Variants in UBR7 observed in about 807,000 individuals in gnomAD.
The protein encoded by UBR7 is putative E3 ubiquitin-protein ligase UBR7.
Under a neutral mutation model 57.0 loss-of-function variants are expected in UBR7, and 22 were observed. The observed-to-expected ratio is 0.39, with a 90% CI of 0.28 to 0.55. The LOEUF is 0.55. Among genes scored for constraint, UBR7 ranks in the 20% least tolerant of loss-of-function variants. UBR7 has a pLI of 0.69. For synonymous variants in UBR7, 167 were observed against 179.8 expected (o/e 0.93, Z 0.57); for missense variants, 395 against 513.2 (o/e 0.77, Z 2.23).
At chr14:93,212,574 T>C (rs1234911757) in intron 4 of UBR7, among the ~76,000 whole-genome samples, 1 of 152,242 alleles carries the variant, frequency 6.6e-6, no homozygotes, top group Non-Finnish European at 1.5e-5. Context: ...TAACCACTGT[T>C]AACACTTTTG....
At chr14:93,222,496 G>T in intron 10 of UBR7, 122 bp downstream of exon 10, 1 of 770,634 alleles carries the variant, frequency 1.3e-6, no homozygotes, top group South Asian at 1.4e-5. Flanking sequence ...TGTAATCCCA[G>T]TACTTTGGGA....
intron 10 of UBR7, chr14:93,223,486 A>G (rs2140107411): frequency 1.8e-6 from 1 of 557,924 alleles, no homozygotes; most frequent in Non-Finnish European, 3.2e-6. Flanking sequence ...GCTTTCTTAG[A>G]AGATGTCATC....
At position 93,215,300 on chromosome 14, in the gene UBR7, TTGG is replaced by T. The variant is rs780529559; in HGVS notation, c.601+22_601+24del. 1 of 1,552,778 alleles carries T rather than the reference TTGG, an allele frequency of 6.4e-7. No individual in the cohort carries two copies. Among genetic ancestry groups the T allele is most frequent in the African/African-American group, 1.4e-5 (1 of 73,898 alleles). ...TTGGCAGGTAGGTATCTTTGTGAAG[TTGG>T]TGTGCCACAAACTTGTGCTTGTGAA... is the stretch of plus-strand genomic sequence containing the variant. On this transcript the variant is annotated intron_variant, in intron 6 of 10. Coordinates refer to ENST00000013070, the MANE Select transcript of UBR7 (RefSeq NM_175748.4).
chr14:93,218,813 T>C (rs1311079465), intron 7 of UBR7, 78 bp downstream of exon 7: 2 of 1,488,058 alleles, frequency 1.3e-6, no homozygotes, highest in South Asian at 2.5e-5. Context: ...CCCAGCACTT[T>C]GGGAGGCTGA....
rs1206750113 is a variant in UBR7 at position 93,227,016 on chromosome 14, T to A, written c.1259T>A (p.Met420Lys). ...AAAAAGAGAAGAAGAGTGGATGGGA[T>A]GCAGTATTACTGCAGCTAGAGTGGA... Reference protein sequence around the residue: ...QSKKRRRVDGMQYYCS With the variant: ...QSKKRRRVDGKQYYCS Residue 420 changes from methionine to lysine, a missense_variant, in exon 11 of 11, where the codon ATG (methionine) becomes AAG (lysine). Coordinates refer to ENST00000013070, the MANE Select transcript of UBR7 (RefSeq NM_175748.4). The A allele has an allele frequency of 6.2e-7, 1 of 1,612,178 alleles. No homozygotes were observed. Among genetic ancestry groups the A allele is most frequent in the East Asian group, 2.2e-5 (1 of 44,828 alleles).
intron 10 of UBR7, chr14:93,224,024 A>G: frequency 1.1e-6 from 1 of 887,076 alleles, no homozygotes; most frequent in Non-Finnish European, 1.8e-6. Flanking sequence ...GGACTTGGCG[A>G]CAACGTGATT....
intron 2 of UBR7, among the ~76,000 whole-genome samples, 184 bp downstream of exon 2, chr14:93,210,141 T>C (rs1474364007): frequency 6.6e-6 from 1 of 151,888 alleles, no homozygotes; most frequent in African/African-American, 2.4e-5. Flanking sequence ...TGGAGTGCAG[T>C]GGTGTGATCT....
intron 8 of UBR7, 65 bp from the exon 9 acceptor site, chr14:93,220,184 G>C (rs1894674898): frequency 6.5e-7 from 1 of 1,539,224 alleles, no homozygotes; most frequent in Admixed American, 1.9e-5. Flanking sequence ...TTGGCTTTCT[G>C]AGAATGATAA....
In UBR7 at chr14:93,228,774, C is replaced by T. The variant is rs538023871; in HGVS notation, c.*1739C>T. ...TGCACTATTAGTATACCATCATGTC[C>T]GGAAAACTTTTAATCTTCTCAAATA... On this transcript the variant is annotated 3_prime_UTR_variant, in exon 11 of 11. Transcript: ENST00000013070. The T allele has an allele frequency of 8.4e-5, 38 of 454,072 alleles. No individual in the cohort carries two copies. The highest frequency in any genetic ancestry group is 3.2e-4 in the African/African-American group (16 of 50,096). The allele number at this position is 454,072 out of a possible 1,614,324, so 28.1% of individuals were successfully genotyped here.
At position 93,227,986 on chromosome 14, in the gene UBR7, A is replaced by G. The variant is rs929260894; in HGVS notation, c.*951A>G. On this transcript the variant is annotated 3_prime_UTR_variant, in exon 11 of 11. Coordinates refer to ENST00000013070, the MANE Select transcript of UBR7 (RefSeq NM_175748.4). ...TTATGAAAATGTTATTAGAACCCCA[A>G]TAAATTATTATTTTTCCCCCTTGAA... The G allele has an allele frequency of 1.6e-5, 11 of 699,538 alleles. No homozygotes were observed. Among genetic ancestry groups the G allele is most frequent in the Non-Finnish European group, 2.6e-5 (10 of 384,618 alleles). 43.3% of individuals were successfully genotyped at this position (699,538 alleles called of 1,614,324 possible). A position where few individuals can be genotyped will look rare whatever the true frequency, so the allele number is the denominator to read the frequency against.
At chr14:93,224,474 G>A (rs1208592787) in intron 10 of UBR7, among the ~76,000 whole-genome samples, 1 of 147,876 alleles carries the variant, frequency 6.8e-6, no homozygotes, top group African/African-American at 2.5e-5. Flanking sequence ...TGCCTCCCAG[G>A]TTCATGTCAT....
intron 4 of UBR7, among the ~76,000 whole-genome samples, chr14:93,214,252 G>C (rs1236997274): frequency 6.6e-6 from 1 of 152,168 alleles, no homozygotes; most frequent in Non-Finnish European, 1.5e-5. Context: ...AAGGCATGTG[G>C]TAAAGTGTTA....
In UBR7 at chr14:93,218,712, T is replaced by G. The variant is rs768592375; in HGVS notation, c.787T>G (p.Ser263Ala). 9.3e-6 allele frequency: 15 copies of G among 1,613,650 alleles called. No homozygotes were observed. In the East Asian group the frequency reaches 3.3e-4, roughly 36 times the overall value. ...GCAGAACAGTGAACCATGTGCCGGC[T>G]CTAGTTCTGAATCTGATCTCCAGGT... Reference protein sequence around the residue: ...VEQNSEPCAGSSSESDLQTVF... With the variant: ...VEQNSEPCAGASSESDLQTVF... Residue 263 changes from serine (S) to alanine (A), a missense_variant, in exon 7 of 11, where the codon TCT becomes GCT. Transcript: ENST00000013070.
At chr14:93,222,674 C>T (rs1259854651) in intron 10 of UBR7, among the ~76,000 whole-genome samples, 2 of 151,036 alleles carry the variant, frequency 1.3e-5, no homozygotes, top group African/African-American at 2.4e-5. Context: ...ACCCAGGAGG[C>T]GGAGGTTGTA....
At chr14:93,220,547 C>G in intron 9 of UBR7, 136 bp downstream of exon 9, 1 of 1,028,542 alleles carries the variant, frequency 9.7e-7, no homozygotes, top group East Asian at 2.6e-5. Context: ...GCTTGATTTT[C>G]ATATTGGTGG....
At position 93,207,415 on chromosome 14, in the gene UBR7, G is replaced by T; in HGVS notation, c.124G>T (p.Asp42Tyr). 1 of 1,552,786 alleles carries T rather than the reference G, an allele frequency of 6.4e-7. No homozygotes were observed. The highest frequency in any genetic ancestry group is 8.7e-7 in the Non-Finnish European group (1 of 1,150,960). ...NEACAVLGGSDSEKCSYSQGS... is the reference protein window; with the variant it reads ...NEACAVLGGSYSEKCSYSQGS... ...GGCGTGCGCTGTCCTGGGCGGCAGC[G>T]ACTCCGAGAAGTGCTCCTACTCTCA... Residue 42 changes from aspartate to tyrosine, a missense_variant, in exon 1 of 11, where the codon GAC becomes TAC. Transcript: ENST00000013070.
In UBR7 at chr14:93,227,090, G is replaced by A. The variant is rs746733992; in HGVS notation, c.*55G>A. 5 of 1,374,954 alleles carry A rather than the reference G, an allele frequency of 3.6e-6. No homozygotes were observed. The African/African-American group carries it at 5.7e-5, about 16-fold the overall frequency. The allele number at this position is 1,374,954 out of a possible 1,614,324, so 85.2% of individuals were successfully genotyped here. A position where few individuals can be genotyped will look rare whatever the true frequency, so the allele number is the denominator to read the frequency against. ...CAATGAAAATGCGCTTCCCATTCTT[G>A]GAATAAAAGAGGTGTGGTTCACATT... On this transcript the variant is annotated 3_prime_UTR_variant, in exon 11 of 11. Transcript: ENST00000013070.
chr14:93,216,766 C>T (rs1894600542), intron 6 of UBR7, among the ~76,000 whole-genome samples: 1 of 152,030 alleles, frequency 6.6e-6, no homozygotes, highest in African/African-American at 2.4e-5. Flanking sequence ...AGGCACATGC[C>T]ACCACACCTG....
chr14:93,212,455 G>GA lies in UBR7; in HGVS notation c.441+335dup, dbSNP rs1293509664. 3.3e-5 allele frequency among the ~76,000 whole-genome samples: 5 copies of GA among 151,896 alleles called. No homozygotes were observed. The South Asian group carries it at 1.0e-3, about 32-fold the overall frequency. On this transcript the variant is annotated intron_variant, in intron 4 of 10. Coordinates refer to ENST00000013070, the MANE Select transcript of UBR7 (RefSeq NM_175748.4). ...CTTCAACTTCTTTTGTCTCTTTACGGAAAAAAATGGGGTATACAAACAGCA... is the reference window on the plus strand; with the variant it reads ...CTTCAACTTCTTTTGTCTCTTTACGGAAAAAAAATGGGGTATACAAACAGCA...
Sources: gnomAD v4.1 joint callset for allele counts (sites outside exome capture counted in the v4.1 genomes callset) on GRCh38, gnomAD v4.1.1 for gene constraint, MANE v1.5 for transcripts, NCBI Gene and HGNC (gene_info 2026-07-23, HGNC 2026-07-21) for gene names.